Variants in PITPNM3 observed in about 807,000 individuals in gnomAD.
The protein encoded by PITPNM3 is PITPNM family member 3, also known as membrane-associated phosphatidylinositol transfer protein 3.
In PITPNM3, 26 loss-of-function variants were observed where a neutral mutation model predicts 102.0. That is an observed-to-expected ratio of 0.25 (90% CI 0.19 to 0.35). The LOEUF (loss-of-function observed/expected upper bound fraction) is 0.35, where lower values mean the gene tolerates loss of function less well. PITPNM3 is among the 10% of genes least tolerant of loss of function. The probability of loss-of-function intolerance (pLI) is 1.00; values close to 1 mark genes in which losing one functional copy is unlikely to be tolerated. For missense variants in PITPNM3, 1,083 were observed against 1,346.1 expected (o/e 0.80, Z 3.06); for synonymous variants, 578 against 558.6 (o/e 1.03, Z -0.49).
chr17:6,455,711 G>C, intron 19 of PITPNM3, 68 bp from the exon 20 acceptor site: 2 of 196,992 alleles, frequency 1.0e-5, no homozygotes, highest in Non-Finnish European at 1.9e-5. Context: ...GAAGGGAGGG[G>C]AGGGGGAAGA....
At chr17:6,515,503 G>C (rs1908117567) in intron 3 of PITPNM3, among the ~76,000 whole-genome samples, 1 of 151,524 alleles carries the variant, frequency 6.6e-6, no homozygotes, top group Admixed American at 6.6e-5. Context: ...ACACTGAATT[G>C]TACATTTTAC....
At chr17:6,547,917 G>A (rs1054682603) in intron 1 of PITPNM3, among the ~76,000 whole-genome samples, 4 of 151,484 alleles carry the variant, frequency 2.6e-5, no homozygotes, top group African/African-American at 4.9e-5. Flanking sequence ...TAGTAGAGAC[G>A]GGGTTTCTCC....
intron 8 of PITPNM3, 79 bp downstream of exon 8, chr17:6,477,896 G>C: frequency 6.3e-7 from 1 of 1,595,794 alleles, no homozygotes; most frequent in East Asian, 2.2e-5. Flanking sequence ...CCAACGTGAA[G>C]AACCAGCACT....
chr17:6,489,958 C>G (rs1456022970), intron 4 of PITPNM3, among the ~76,000 whole-genome samples: 1 of 150,744 alleles, frequency 6.6e-6, no homozygotes, highest in African/African-American at 2.4e-5. Flanking sequence ...GAGCCGAGAT[C>G]ACACCACTGC....
chr17:6,527,577 C>A (rs1426624891), intron 2 of PITPNM3, among the ~76,000 whole-genome samples: 1 of 152,122 alleles, frequency 6.6e-6, no homozygotes, highest in Non-Finnish European at 1.5e-5. Flanking sequence ...GACATTCTAC[C>A]CCAGCTGTAG....
intron 4 of PITPNM3, among the ~76,000 whole-genome samples, chr17:6,488,901 G>A (rs538365237): frequency 7.9e-4 from 120 of 152,218 alleles, no homozygotes; most frequent in Admixed American, 1.6e-3. Context: ...ATTTGGGGTG[G>A]GGGAGCCCAC....
chr17:6,550,545 C>A (rs1910249801), intron 1 of PITPNM3, among the ~76,000 whole-genome samples: 1 of 152,212 alleles, frequency 6.6e-6, no homozygotes, highest in African/African-American at 2.4e-5. Flanking sequence ...GGAAAGGATG[C>A]CGGATCTCAA....
chr17:6,521,935 C>G (rs1221619697), intron 3 of PITPNM3, among the ~76,000 whole-genome samples: 1 of 152,156 alleles, frequency 6.6e-6, no homozygotes, highest in Non-Finnish European at 1.5e-5. Context: ...CAGGAACTTA[C>G]AAAAAGAACC....
chr17:6,513,993 G>A (rs1034917591), intron 3 of PITPNM3, among the ~76,000 whole-genome samples: 49 of 152,124 alleles, frequency 3.2e-4, no homozygotes, highest in African/African-American at 1.1e-3. Flanking sequence ...ATTGATTTTT[G>A]ACAAACCTGC....
chr17:6,455,258 G>C lies in PITPNM3; in HGVS notation c.*80C>G. 1.4e-6 allele frequency: 2 copies of C among 1,457,590 alleles called. No homozygotes were observed. The highest frequency in any genetic ancestry group is 9.2e-7 in the Non-Finnish European group (1 of 1,089,376). 90.3% of individuals were successfully genotyped at this position (1,457,590 alleles called of 1,614,324 possible). ...GAAAAAGCAGGAAAACGCCTGTGTCGGGGAGAGGGCAGCCCCCTCCCGTCC... is the reference window on the plus strand; with the variant it reads ...GAAAAAGCAGGAAAACGCCTGTGTCCGGGAGAGGGCAGCCCCCTCCCGTCC... On this transcript the variant is annotated 3_prime_UTR_variant, in exon 20 of 20. Transcript: ENST00000262483.
At position 6,459,478 on chromosome 17, in the gene PITPNM3, C is replaced by G. The variant is rs535170633; in HGVS notation, c.2491-1756G>C. Among the ~76,000 whole-genome samples the G allele has an allele frequency of 6.6e-6, 1 of 152,150 alleles. No homozygotes were observed. Among genetic ancestry groups the G allele is most frequent in the East Asian group, 1.9e-4 (1 of 5,166 alleles). Reference sequence around the variant, plus strand: ...CTCCCGTCTCATGGCTCCACTGATCCGTCTCATGCATCTGTTTCCCAGTCT... The same window carrying G: ...CTCCCGTCTCATGGCTCCACTGATCGGTCTCATGCATCTGTTTCCCAGTCT... On this transcript the variant is annotated intron_variant, in intron 18 of 19. Coordinates refer to ENST00000262483, the MANE Select transcript of PITPNM3 (RefSeq NM_031220.4). This position sits in a 1 kb window ranked among gnomAD's most constrained non-coding sequence, Gnocchi z 5.0.
At chr17:6,488,162 C>T (rs1906212235) in intron 4 of PITPNM3, among the ~76,000 whole-genome samples, 1 of 152,156 alleles carries the variant, frequency 6.6e-6, no homozygotes, top group Non-Finnish European at 1.5e-5. Context: ...TTCCCTGTAC[C>T]TTCCCCACAG....
At chr17:6,465,559 C>A in intron 14 of PITPNM3, among the ~76,000 whole-genome samples, 1 of 152,142 alleles carries the variant, frequency 6.6e-6, no homozygotes, top group Admixed American at 6.5e-5. Flanking sequence ...TGTAACAAAG[C>A]CTCGTGTTCC....
At chr17:6,530,986 G>A (rs1362335601) in intron 2 of PITPNM3, among the ~76,000 whole-genome samples, 1 of 152,206 alleles carries the variant, frequency 6.6e-6, no homozygotes, top group Admixed American at 6.5e-5. Context: ...CGGCCATGCA[G>A]AACCTCAGGG....
intron 3 of PITPNM3, among the ~76,000 whole-genome samples, chr17:6,519,520 GAAAAA>G (rs113109836): frequency 1.6e-5 from 2 of 126,802 alleles, no homozygotes; most frequent in African/African-American, 5.8e-5. Flanking sequence ...CTCCGTCTCA[GAAAAA>G]AAAAAAAAAG....
chr17:6,548,569 C>A (rs747036559), intron 1 of PITPNM3, among the ~76,000 whole-genome samples: 4 of 152,100 alleles, frequency 2.6e-5, no homozygotes, highest in Non-Finnish European at 5.9e-5. Flanking sequence ...GGGTAGTAAT[C>A]TGGATCAACC....
chr17:6,476,574 C>T (rs1418865442), intron 9 of PITPNM3, among the ~76,000 whole-genome samples: 4 of 152,174 alleles, frequency 2.6e-5, no homozygotes, highest in Non-Finnish European at 4.4e-5. Context: ...CCAGCTCTTC[C>T]GTCACTGGCT....
chr17:6,472,183 C>T lies in PITPNM3; in HGVS notation c.1429+474G>A, dbSNP rs1184831679. On this transcript the variant is annotated intron_variant, in intron 11 of 19. Coordinates refer to ENST00000262483, the MANE Select transcript of PITPNM3 (RefSeq NM_031220.4). The surrounding 1 kb of genome is among the most constrained non-coding windows in gnomAD (Gnocchi z 4.1). ...GCCAAAACACCTGCCCTCGCTCCTG[C>T]TGTTCTCCCTGCCTGGAAGATCTCA... Among the ~76,000 whole-genome samples, 1 of 152,192 alleles carries T rather than the reference C, an allele frequency of 6.6e-6. No individual in the cohort carries two copies.
chr17:6,531,872 G>A (rs1350726181), intron 2 of PITPNM3, among the ~76,000 whole-genome samples: 1 of 152,200 alleles, frequency 6.6e-6, no homozygotes. Context: ...GAAGGCTGAG[G>A]CGGACGGATC....
Sources: allele counts gnomAD v4.1 joint callset (sites outside exome capture counted in the v4.1 genomes callset), GRCh38; gene constraint gnomAD v4.1.1; non-coding constraint Gnocchi (gnomAD v3.1); transcripts MANE v1.5; gene names NCBI Gene and HGNC (gene_info 2026-07-23, HGNC 2026-07-21).